PLK5: variants seen among roughly 807,000 people sequenced by gnomAD.
PLK5 encodes the protein polo like kinase 5 (inactive), also known as inactive serine/threonine-protein kinase PLK5.
Under a neutral mutation model 33.7 loss-of-function variants are expected in PLK5, and 28 were observed. The ratio of observed to expected loss-of-function variants is 0.83; its 90% CI spans 0.62 to 1.14. PLK5 has a LOEUF of 1.14. PLK5 is among the 50% of genes most tolerant of loss of function. PLK5 has a pLI of 0.00. For synonymous variants in PLK5, 225 were observed against 202.2 expected (o/e 1.11, Z -0.96); for missense variants, 492 against 461.5 (o/e 1.07, Z -0.61).
At chr19:1,530,840 G>A (rs557412542) in intron 11 of PLK5, among the ~76,000 whole-genome samples, 137 of 151,328 alleles carry the variant, frequency 9.1e-4, no homozygotes, top group African/African-American at 3.1e-3. Flanking sequence ...GGATGGTCTC[G>A]ATCTCCTGAC....
chr19:1,535,298 C>G lies in PLK5; in HGVS notation c.*48C>G. The G allele has an allele frequency of 6.7e-7, 1 of 1,491,436 alleles. No homozygotes were observed. The highest frequency in any genetic ancestry group is 8.9e-7 in the Non-Finnish European group (1 of 1,123,550). The allele number at this position is 1,491,436 out of a possible 1,614,324, so 92.4% of individuals were successfully genotyped here. On this transcript the variant is annotated 3_prime_UTR_variant, in exon 14 of 14. Transcript: ENST00000454744. ...CCCCTGCATGGTAGTGCCAGGGACC[C>G]AGGCTCCATTTCCATTCCTGTGGCT...
rs921502206 is a variant in PLK5, at chr19:1,526,716, T to A, written c.-170T>A. The stretch of plus-strand genomic sequence containing the variant: ...CTCCCACTGCCAGGTAACTTCTTCC[T>A]TAACAAGAACATGGAGGTGAAGATT... On this transcript the variant is annotated 5_prime_UTR_variant, in exon 5 of 14. Coordinates refer to ENST00000454744, the MANE Select transcript of PLK5 (RefSeq NM_001243079.2). 1.9e-6 allele frequency: 1 copy of A among 514,636 alleles called. No individual in the cohort carries two copies. Among genetic ancestry groups the A allele is most frequent in the Non-Finnish European group, 3.5e-6 (1 of 283,814 alleles). 31.9% of individuals were successfully genotyped at this position (514,636 alleles called of 1,614,324 possible). A position where few individuals can be genotyped will look rare whatever the true frequency, so the allele number is the denominator to read the frequency against.
rs1292696003 is a variant in PLK5, at chr19:1,528,891, C to T, written c.329-7C>T. 13 of 1,501,576 alleles carry T rather than the reference C, an allele frequency of 8.7e-6. No individual in the cohort carries two copies. Among genetic ancestry groups the T allele is most frequent in the Admixed American group, 4.5e-5 (2 of 44,566 alleles). The allele number at this position is 1,501,576 out of a possible 1,614,324, so 93.0% of individuals were successfully genotyped here. ...GTGCCCCCTCCAAGGCCTTGTGCCT[C>T]CCTCAGGCCCCTTCACGCCTAAAGA... On this transcript the variant is annotated splice_region_variant and splice_polypyrimidine_tract_variant and intron_variant, in intron 8 of 13. Coordinates refer to ENST00000454744, the MANE Select transcript of PLK5 (RefSeq NM_001243079.2).
At chr19:1,529,555 G>A (rs898759772) in intron 10 of PLK5, 65 bp downstream of exon 10, 37 of 1,481,386 alleles carry the variant, frequency 2.5e-5, no homozygotes, top group Non-Finnish European at 3.4e-5. Flanking sequence ...AGTGACAGGG[G>A]GACCAAGGCC....
intron 12 of PLK5, among the ~76,000 whole-genome samples, chr19:1,532,672 G>A (rs1002323914): frequency 2.0e-5 from 3 of 151,904 alleles, no homozygotes; most frequent in East Asian, 1.9e-4. Context: ...ACAGGTGCCC[G>A]CCACCACTCC....
chr19:1,531,624 G>A lies in PLK5; in HGVS notation c.569-114G>A, dbSNP rs555178848. On this transcript the variant is annotated intron_variant, in intron 11 of 13. Transcript: ENST00000454744. ...CACCGAAGCCCCCAAGCCTCTGTCC[G>A]GTCCCCGCCGTGGGAAGGGTCTCAC... 2.9e-5 allele frequency: 38 copies of A among 1,302,802 alleles called. No homozygotes were observed. In the African/African-American group the frequency reaches 4.1e-4, roughly 14 times the overall value. The allele number at this position is 1,302,802 out of a possible 1,614,324, so 80.7% of individuals were successfully genotyped here.
intron 9 of PLK5, 54 bp from the exon 10 acceptor site, chr19:1,529,352 C>T: frequency 1.4e-6 from 2 of 1,455,140 alleles, no homozygotes; most frequent in Non-Finnish European, 1.9e-6. Context: ...CACCTCACGC[C>T]TGTCCCTGGG....
Position 1,526,723 on chromosome 19 carries a change from G to A in PLK5, c.-163G>A. 3.7e-6 allele frequency: 2 copies of A among 533,374 alleles called. No homozygotes were observed. The highest frequency in any genetic ancestry group is 4.1e-5 in the South Asian group (2 of 48,550). The allele number at this position is 533,374 out of a possible 1,614,324, so 33.0% of individuals were successfully genotyped here. A position where few individuals can be genotyped will look rare whatever the true frequency, so the allele number is the denominator to read the frequency against. On this transcript the variant is annotated 5_prime_UTR_variant, in exon 5 of 14. Coordinates refer to ENST00000454744, the MANE Select transcript of PLK5 (RefSeq NM_001243079.2). ...TGCCAGGTAACTTCTTCCTTAACAA[G>A]AACATGGAGGTGAAGATTGGAGACC...
rs1003659092 is a variant in PLK5, at chr19:1,524,404, G to A, written c.-544+158G>A. On this transcript the variant is annotated intron_variant, in intron 1 of 13. Transcript: ENST00000454744. The surrounding 1 kb of genome is among the most constrained non-coding windows in gnomAD (Gnocchi z 4.5). Reference sequence around the variant, plus strand: ...CGGAGCCGCGGGGCCTCCCGTGCGGGGTTTCGCATGGCGGGAACCGTGTTG... The same window carrying A: ...CGGAGCCGCGGGGCCTCCCGTGCGGAGTTTCGCATGGCGGGAACCGTGTTG... 1.3e-5 allele frequency among the ~76,000 whole-genome samples: 2 copies of A among 152,116 alleles called. No individual in the cohort carries two copies. The highest frequency in any genetic ancestry group is 2.4e-5 in the African/African-American group (1 of 41,454).
In PLK5 at chr19:1,528,059, C is replaced by T. The variant is rs768043297; in HGVS notation, c.126C>T (p.Ile42=). 75 of 1,535,976 alleles carry T rather than the reference C, an allele frequency of 4.9e-5. No individual in the cohort carries two copies. The South Asian group carries it at 7.5e-4, about 15-fold the overall frequency. Residue 42 remains isoleucine, a synonymous_variant, in exon 7 of 14, where the codon ATC becomes ATT. Coordinates refer to ENST00000454744, the MANE Select transcript of PLK5 (RefSeq NM_001243079.2). ...AHLSANARRL[I]VHLLAPNPAE... ...TGTCTGCCAATGCGCGCCGCCTCATCGTGCACCTCCTAGCACCCAACCCGG... is the reference window on the plus strand; with the variant it reads ...TGTCTGCCAATGCGCGCCGCCTCATTGTGCACCTCCTAGCACCCAACCCGG...
At position 1,525,383 on chromosome 19, in the gene PLK5, G is replaced by A. The variant is rs2292450; in HGVS notation, c.-465G>A. 0.31 allele frequency: 47,101 copies of A among 152,566 alleles called. 7,842 individuals are homozygous for A. Among genetic ancestry groups the A allele is most frequent in the East Asian group, 0.71 (3,673 of 5,142 alleles). The allele number at this position is 152,566 out of a possible 1,614,324, so 9.5% of individuals were successfully genotyped here. A position where few individuals can be genotyped will look rare whatever the true frequency, so the allele number is the denominator to read the frequency against. On this transcript the variant is annotated 5_prime_UTR_variant, in exon 2 of 14. Coordinates refer to ENST00000454744, the MANE Select transcript of PLK5 (RefSeq NM_001243079.2). Reference sequence around the variant, plus strand: ...CGCCCTCAAGGTGGTGCCGTGTGGCGGGGCTGGGGCCGGGTGGCTTCGCCC... The same window carrying A: ...CGCCCTCAAGGTGGTGCCGTGTGGCAGGGCTGGGGCCGGGTGGCTTCGCCC...
chr19:1,526,035 C>T (rs891802255), intron 3 of PLK5, among the ~76,000 whole-genome samples: 6 of 152,136 alleles, frequency 3.9e-5, no homozygotes, highest in African/African-American at 1.4e-4. Context: ...CCCACCTGTA[C>T]CCACCAGCAT....
chr19:1,529,543 C>CCCCGGGGCTGCAGGTGCGGAGGGAGG, intron 10 of PLK5, 53 bp downstream of exon 10: 1 of 1,503,872 alleles, frequency 6.6e-7, no homozygotes, highest in Non-Finnish European at 8.9e-7. Flanking sequence ...GGAGGAATTA[C>CCCCGGGGCTGCAGGTGCGGAGGGAGG]AAGTGACAGG....
rs918215506 is a variant in PLK5 at position 1,528,968 on chromosome 19, C to T, written c.399C>T (p.Asp133=). The change falls in exon 9 of 14, where the codon GAC becomes GAT. Residue 133 remains aspartate (D), a synonymous_variant. Transcript: ENST00000454744. The part of the protein sequence containing the change: ...GGPDPDSMEW[D]GESSLSAKEV... Reference sequence around the variant, plus strand: ...CAGACCCTGACTCCATGGAGTGGGACGGCGAGGTGAGACATCGGGGTGGGG... The same window carrying T: ...CAGACCCTGACTCCATGGAGTGGGATGGCGAGGTGAGACATCGGGGTGGGG... The T allele has an allele frequency of 4.4e-5, 67 of 1,511,722 alleles. No homozygotes were observed. Among genetic ancestry groups the T allele is most frequent in the Non-Finnish European group, 4.9e-5 (56 of 1,135,052 alleles). 93.6% of individuals were successfully genotyped at this position (1,511,722 alleles called of 1,614,324 possible).
At chr19:1,532,466 C>T (rs184529127) in intron 12 of PLK5, among the ~76,000 whole-genome samples, 2 of 151,064 alleles carry the variant, frequency 1.3e-5, no homozygotes, top group African/African-American at 4.9e-5. Context: ...TTGAGCCCAG[C>T]AGTTTGAGAT....
In PLK5 at chr19:1,535,173, G is replaced by C. The variant is rs774146463; in HGVS notation, c.934G>C (p.Val312Leu). ...GSPGTSYSLD[V>L]PRSHGCAPTT... ...CCCTGGCACCTCCTACTCCCTGGAC[G>C]TCCCGCGGAGCCACGGCTGCGCCCC... The change falls in exon 14 of 14, where the codon GTC (valine) becomes CTC (leucine). Residue 312 changes from valine (V) to leucine (L), a missense_variant. Physicochemically the swap from Val to Leu is conservative, Grantham distance 32. Coordinates refer to ENST00000454744, the MANE Select transcript of PLK5 (RefSeq NM_001243079.2). The C allele has an allele frequency of 4.6e-6, 7 of 1,532,656 alleles. No homozygotes were observed. The South Asian group carries it at 7.2e-5, about 16-fold the overall frequency. 94.9% of individuals were successfully genotyped at this position (1,532,656 alleles called of 1,614,324 possible).
In PLK5 at chr19:1,524,108, GTC is replaced by G. The variant is rs1913661713; in HGVS notation, c.-679_-678del. On this transcript the variant is annotated 5_prime_UTR_variant, in exon 1 of 14. Coordinates refer to ENST00000454744, the MANE Select transcript of PLK5 (RefSeq NM_001243079.2). This position sits in a 1 kb window ranked among gnomAD's most constrained non-coding sequence, Gnocchi z 4.5. ...GCCCCGGAGCGGCCGCAGCGCGGTG[GTC>G]TCGGCCCGGCTGCGCCAGAGTCCGC... 1 of 151,224 alleles carries G rather than the reference GTC, an allele frequency of 6.6e-6. No homozygotes were observed. The highest frequency in any genetic ancestry group is 2.1e-4 in the South Asian group (1 of 4,832). The allele number at this position is 151,224 out of a possible 1,614,324, so 9.4% of individuals were successfully genotyped here.
rs577609075 is a variant in PLK5, at chr19:1,529,764, C to T, written c.508C>T (p.Arg170Trp). 221 of 1,536,030 alleles carry T rather than the reference C, an allele frequency of 1.4e-4. No individual in the cohort carries two copies. The highest frequency in any genetic ancestry group is 1.6e-4 in the Non-Finnish European group (184 of 1,146,860). Residue 170 changes from arginine to tryptophan, a missense_variant, in exon 11 of 14, where the codon CGG (arginine) becomes TGG (tryptophan). Arg to Trp is a moderately radical substitution (Grantham distance 101). Transcript: ENST00000454744. ...SDLAGPEGSR[R>W]PEVEAALRHL... ...CTTCCCAGGGCCCGAGGGGAGCCGGCGGCCAGAGGTGGAGGCGGCCCTCAG... is the reference window on the plus strand; with the variant it reads ...CTTCCCAGGGCCCGAGGGGAGCCGGTGGCCAGAGGTGGAGGCGGCCCTCAG...
At chr19:1,529,174 G>C (rs1913849975) in intron 9 of PLK5, 200 bp downstream of exon 9, 2 of 650,640 alleles carry the variant, frequency 3.1e-6, no homozygotes, top group Non-Finnish European at 2.6e-6. Flanking sequence ...TTTCCCAAGG[G>C]CCGGGCTCGA....
Sources: gnomAD v4.1 joint callset for allele counts (sites outside exome capture counted in the v4.1 genomes callset) on GRCh38, gnomAD v4.1.1 for gene constraint, Gnocchi (gnomAD v3.1) non-coding constraint, MANE v1.5 for transcripts, NCBI Gene and HGNC (gene_info 2026-07-23, HGNC 2026-07-21) for gene names.